Variants in GAB4 observed in about 807,000 individuals in gnomAD.
The protein encoded by GAB4 is GRB2-associated-binding protein 4.
In GAB4, 26 loss-of-function variants were observed where a neutral mutation model predicts 51.3. That is an observed-to-expected ratio of 0.51 (90% CI 0.37 to 0.70). The LOEUF (loss-of-function observed/expected upper bound fraction) is 0.70, where lower values mean the gene tolerates loss of function less well. GAB4 is among the 30% of genes least tolerant of loss of function. GAB4 has a pLI of 0.00. For synonymous variants in GAB4, 329 were observed against 291.2 expected (o/e 1.13, Z -1.32); for missense variants, 759 against 734.6 (o/e 1.03, Z -0.38).
chr22:16,964,877 A>C lies in GAB4; in HGVS notation c.1380-15T>G. On this transcript the variant is annotated splice_polypyrimidine_tract_variant and intron_variant, in intron 7 of 9. Coordinates refer to ENST00000400588, the MANE Select transcript of GAB4 (RefSeq NM_001037814.1). ...CAAAGGTGTGGCTGTCATGGGAAGA[A>C]GGCAAGGAGTACATCCTGGGTGGGG... 6.2e-7 allele frequency: 1 copy of C among 1,604,566 alleles called. No individual in the cohort carries two copies. Among genetic ancestry groups the C allele is most frequent in the Non-Finnish European group, 8.5e-7 (1 of 1,171,678 alleles).
At chr22:16,996,623 T>C (rs2060951270) in intron 1 of GAB4, among the ~76,000 whole-genome samples, 1 of 152,080 alleles carries the variant, frequency 6.6e-6, no homozygotes, top group Non-Finnish European at 1.5e-5. Flanking sequence ...TGCAGAAACC[T>C]TACAAGCCAA....
intron 3 of GAB4, among the ~76,000 whole-genome samples, chr22:16,971,119 A>G (rs1257935693): frequency 6.6e-6 from 1 of 152,130 alleles, no homozygotes; most frequent in Non-Finnish European, 1.5e-5. Flanking sequence ...GCTTGAGCCC[A>G]GGAGGCCGAG....
At chr22:16,970,697 G>A (rs1373453524) in intron 3 of GAB4, among the ~76,000 whole-genome samples, 1 of 152,202 alleles carries the variant, frequency 6.6e-6, no homozygotes, top group Non-Finnish European at 1.5e-5. Flanking sequence ...TCATCTCTGA[G>A]TGTCAGTGTT....
intron 3 of GAB4, among the ~76,000 whole-genome samples, chr22:16,974,792 G>A (rs868195054): frequency 3.3e-5 from 5 of 152,264 alleles, no homozygotes; most frequent in South Asian, 2.1e-4. Context: ...GGTGATTTCC[G>A]CATTTCCAAC....
rs1402919134 is a variant in GAB4 at position 16,965,231 on chromosome 22, GA to G, written c.1325del (p.Val442AlafsTer89). On this transcript the variant is annotated frameshift_variant, in exon 7 of 10. Coordinates refer to ENST00000400588, the MANE Select transcript of GAB4 (RefSeq NM_001037814.1). LOFTEE classifies it high-confidence loss of function. ...GTGGCTTGAAGGAGAGCTCATTGAT[GA>G]CCCTGTTGTTTCTCAGGTTGGGCGG... ...PTPPNLRNNR[V>X]INELSFKPPV... 1 of 1,614,034 alleles carries G rather than the reference GA, an allele frequency of 6.2e-7. No individual in the cohort carries two copies. The highest frequency in any genetic ancestry group is 1.1e-5 in the South Asian group (1 of 91,010).
intron 3 of GAB4, among the ~76,000 whole-genome samples, chr22:16,985,167 C>G (rs2060857471): frequency 8.5e-5 from 13 of 152,156 alleles, no homozygotes; most frequent in Admixed American, 8.5e-4. Flanking sequence ...TTACCAGGGT[C>G]CCTGTATCTC....
At chr22:17,002,354 C>T (rs910023900) in intron 1 of GAB4, among the ~76,000 whole-genome samples, 5 of 152,038 alleles carry the variant, frequency 3.3e-5, no homozygotes, top group Non-Finnish European at 7.4e-5. Context: ...GGTTCATAAG[C>T]GAAGGAGAAA....
intron 3 of GAB4, among the ~76,000 whole-genome samples, chr22:16,979,040 T>C (rs1208739535): frequency 1.3e-5 from 2 of 152,142 alleles, no homozygotes; most frequent in East Asian, 3.8e-4. Context: ...CTCAAAATAA[T>C]AAGAGCTATT....
intron 1 of GAB4, 59 bp downstream of exon 1, chr22:17,007,882 T>A: frequency 6.9e-7 from 1 of 1,444,668 alleles, no homozygotes; most frequent in East Asian, 2.4e-5. Flanking sequence ...CCCACGCCCC[T>A]CCCGGAGTCC....
chr22:16,991,866 C>G lies in GAB4; in HGVS notation c.478+7G>C. On this transcript the variant is annotated splice_region_variant and intron_variant, in intron 2 of 9. Transcript: ENST00000400588. ...CTCCTGAGACAGGGCTGTGTGTGCTCCCATACCTGTGCTTTCCTCCTGCCT... is the reference window on the plus strand; with the variant it reads ...CTCCTGAGACAGGGCTGTGTGTGCTGCCATACCTGTGCTTTCCTCCTGCCT... 3 of 1,607,846 alleles carry G rather than the reference C, an allele frequency of 1.9e-6. No homozygotes were observed. Among genetic ancestry groups the G allele is most frequent in the Non-Finnish European group, 2.5e-6 (3 of 1,176,514 alleles).
chr22:16,996,603 C>T (rs904851269), intron 1 of GAB4, among the ~76,000 whole-genome samples: 3 of 152,116 alleles, frequency 2.0e-5, no homozygotes, highest in Non-Finnish European at 4.4e-5. Flanking sequence ...AGACTAAGAG[C>T]AGATCTCTCT....
chr22:16,966,258 T>G lies in GAB4; in HGVS notation c.1130A>C (p.Asp377Ala). 6.2e-7 allele frequency: 1 copy of G among 1,613,952 alleles called. No individual in the cohort carries two copies. The highest frequency in any genetic ancestry group is 8.5e-7 in the Non-Finnish European group (1 of 1,179,998). Residue 377 changes from aspartate (D) to alanine (A), a missense_variant, in exon 6 of 10, where the codon GAT (aspartate) becomes GCT (alanine). This residue lies in a region of GAB4 where 588 missense variants were observed against 510.2 expected (regional missense o/e 1.15). Coordinates refer to ENST00000400588, the MANE Select transcript of GAB4 (RefSeq NM_001037814.1). ...AGGGATGCAGACACCCTGGGAATCA[T>G]CGCCTGCTTGCTTCACAGCCGGCAG... ...PTLPAVKQAG[D>A]DSQGVCIPVG...
Position 16,981,350 on chromosome 22 carries a change from C to T in GAB4, c.686+6610G>A, listed in dbSNP as rs560381562. On this transcript the variant is annotated intron_variant, in intron 3 of 9. Transcript: ENST00000400588. ...AAATATCAATGAAACAAAAACTTTG[C>T]TTTTTTGAAAAGATAAACAAAATTG... Among the ~76,000 whole-genome samples, 4 of 151,726 alleles carry T rather than the reference C, an allele frequency of 2.6e-5. No homozygotes were observed. The East Asian group carries it at 5.8e-4, about 22-fold the overall frequency.
At chr22:16,999,308 C>T (rs5746956) in intron 1 of GAB4, among the ~76,000 whole-genome samples, 51,341 of 152,030 alleles carry the variant, frequency 0.34, 9,164 homozygotes, top group South Asian at 0.46. Flanking sequence ...ACTATAGCCT[C>T]AATTTCAGAA....
At position 16,962,297 on chromosome 22, in the gene GAB4, T is replaced by A. The variant is rs2060635913; in HGVS notation, c.*436A>T. On this transcript the variant is annotated 3_prime_UTR_variant, in exon 10 of 10. Coordinates refer to ENST00000400588, the MANE Select transcript of GAB4 (RefSeq NM_001037814.1). ...CCTTCTCAACTATTCCAACGTTTGATGGCCTTGCCTCTCCCCTGACCAAAA... is the reference window on the plus strand; with the variant it reads ...CCTTCTCAACTATTCCAACGTTTGAAGGCCTTGCCTCTCCCCTGACCAAAA... 1 of 155,562 alleles carries A rather than the reference T, an allele frequency of 6.4e-6. No individual in the cohort carries two copies. 9.6% of individuals were successfully genotyped at this position (155,562 alleles called of 1,614,324 possible).
At chr22:17,001,466 G>C (rs755519334) in intron 1 of GAB4, among the ~76,000 whole-genome samples, 10 of 152,082 alleles carry the variant, frequency 6.6e-5, no homozygotes, top group African/African-American at 2.2e-4. Flanking sequence ...TGTAGTTCTC[G>C]TGCCATGATT....
At position 16,965,033 on chromosome 22, in the gene GAB4, G is replaced by A. The variant is rs140071097; in HGVS notation, c.1379+145C>T. ...TTCCCCCTTTACAGATGAGAAGGCC[G>A]TCACGCCTCATGAGACGGAGACAGG... On this transcript the variant is annotated intron_variant, in intron 7 of 9. Transcript: ENST00000400588. 2.9e-4 allele frequency: 212 copies of A among 728,296 alleles called. 1 individual carries two copies. The African/African-American group carries it at 3.1e-3, about 11-fold the overall frequency. The allele number at this position is 728,296 out of a possible 1,614,324, so 45.1% of individuals were successfully genotyped here. A position where few individuals can be genotyped will look rare whatever the true frequency, so the allele number is the denominator to read the frequency against.
intron 6 of GAB4, 113 bp downstream of exon 6, chr22:16,965,987 A>C (rs2060669111): frequency 1.1e-6 from 1 of 949,046 alleles, no homozygotes; most frequent in Non-Finnish European, 1.7e-6. Context: ...TGAGGCTCAG[A>C]GAATTCACAT....
chr22:16,979,615 T>C (rs1441137605), intron 3 of GAB4, among the ~76,000 whole-genome samples: 1 of 152,222 alleles, frequency 6.6e-6, no homozygotes, highest in Non-Finnish European at 1.5e-5. Flanking sequence ...ACAAATTCAA[T>C]GCTATTCCCA....
Sources: allele counts gnomAD v4.1 joint callset (sites outside exome capture counted in the v4.1 genomes callset), GRCh38; gene constraint gnomAD v4.1.1; regional missense constraint gnomAD v4.1.1; transcripts MANE v1.5; gene names NCBI Gene and HGNC (gene_info 2026-07-23, HGNC 2026-07-21).